Variants in RFX3 observed in about 807,000 individuals in gnomAD.
RFX3 encodes the protein transcription factor RFX3.
In RFX3, 14 loss-of-function variants were observed where a neutral mutation model predicts 98.6. The observed-to-expected ratio is 0.14, with a 90% CI of 0.09 to 0.22. RFX3 has a LOEUF of 0.22. Among genes scored for constraint, RFX3 ranks in the 10% least tolerant of loss-of-function variants. The probability of loss-of-function intolerance (pLI) is 1.00; values close to 1 mark genes in which losing one functional copy is unlikely to be tolerated. For missense variants in RFX3, 639 were observed against 926.9 expected (o/e 0.69, Z 4.03); for synonymous variants, 383 against 328.4 (o/e 1.17, Z -1.80).
intron 1 of RFX3, among the ~76,000 whole-genome samples, chr9:3,438,035 G>A (rs1028952607): frequency 2.0e-5 from 3 of 151,932 alleles, no homozygotes; most frequent in African/African-American, 7.3e-5. Flanking sequence ...GAAACATACT[G>A]ATAAACCTAA....
intron 7 of RFX3, among the ~76,000 whole-genome samples, chr9:3,277,822 T>C (rs1038789754): frequency 6.6e-6 from 1 of 151,990 alleles, no homozygotes; most frequent in South Asian, 2.1e-4. Flanking sequence ...ATTGGAACTT[T>C]AATCTGAACA....
At position 3,319,968 on chromosome 9, in the gene RFX3, C is replaced by T. The variant is rs148178017; in HGVS notation, c.474+10291G>A. Among the ~76,000 whole-genome samples the T allele has an allele frequency of 6.6e-5, 10 of 152,160 alleles. No homozygotes were observed. In the East Asian group the frequency reaches 1.9e-3, roughly 29 times the overall value. ...CTAAAAATTTCAAATGAATTAAATG[C>T]CAGTTTTCACTGTCTAAACTTTCAA... On this transcript the variant is annotated intron_variant, in intron 4 of 16. Transcript: ENST00000617270.
chr9:3,432,770 T>C (rs919302244), intron 1 of RFX3, among the ~76,000 whole-genome samples: 4 of 152,164 alleles, frequency 2.6e-5, no homozygotes, highest in Non-Finnish European at 4.4e-5. Flanking sequence ...TTAGACAATA[T>C]GGCAGAAGGG....
intron 1 of RFX3, among the ~76,000 whole-genome samples, chr9:3,433,543 G>A (rs1404384431): frequency 1.3e-5 from 2 of 152,168 alleles, no homozygotes; most frequent in African/African-American, 4.8e-5. Flanking sequence ...AGTTCTGAGG[G>A]AGTCAAAAGT....
chr9:3,289,692 T>G (rs1827091503), intron 6 of RFX3, among the ~76,000 whole-genome samples: 1 of 152,088 alleles, frequency 6.6e-6, no homozygotes, highest in Non-Finnish European at 1.5e-5. Flanking sequence ...GAGAGGTTCT[T>G]TTTATTTCAT....
At chr9:3,285,422 A>C (rs1826460116) in intron 7 of RFX3, among the ~76,000 whole-genome samples, 1 of 151,742 alleles carries the variant, frequency 6.6e-6, no homozygotes, top group Admixed American at 6.6e-5. Flanking sequence ...CACTGTTTTC[A>C]ACAAATATTC....
chr9:3,235,219 G>A (rs533208482), intron 15 of RFX3, among the ~76,000 whole-genome samples: 1 of 152,374 alleles, frequency 6.6e-6, no homozygotes, highest in Admixed American at 6.5e-5. Context: ...GGTGGCAGGT[G>A]AAGACGTAAA....
chr9:3,396,037 ATCATT>A (rs1018957583), intron 1 of RFX3, among the ~76,000 whole-genome samples: 1 of 151,886 alleles, frequency 6.6e-6, no homozygotes, highest in Non-Finnish European at 1.5e-5. Flanking sequence ...TTTAGAGTAA[ATCATT>A]TCTTTTTTTT....
At chr9:3,503,375 C>T (rs760691248) in intron 1 of RFX3, among the ~76,000 whole-genome samples, 1 of 151,832 alleles carries the variant, frequency 6.6e-6, no homozygotes, top group Non-Finnish European at 1.5e-5. Context: ...CCTTAAATAA[C>T]TTAAATGTAT....
Position 3,395,491 on chromosome 9 carries a change from T to C in RFX3, c.98A>G (p.Gln33Arg). Residue 33 changes from glutamine (Q) to arginine (R), a missense_variant, in exon 2 of 17, where the codon CAA (glutamine) becomes CGA (arginine). This residue lies in a region of RFX3 where 210 missense variants were observed against 197.7 expected (regional missense o/e 1.06). Transcript: ENST00000617270. The stretch of plus-strand genomic sequence containing the variant: ...CCTTACCTGTTGTTGTACTGGTACT[T>C]GCTGTACCACCTGCGTAGGCACTGC... Reference protein sequence around the residue: ...QAAVPTQVVQQVPVQQQVQQV... With the variant: ...QAAVPTQVVQRVPVQQQVQQV... 6.2e-7 allele frequency: 1 copy of C among 1,613,940 alleles called. No individual in the cohort carries two copies. Among genetic ancestry groups the C allele is most frequent in the Non-Finnish European group, 8.5e-7 (1 of 1,179,780 alleles).
chr9:3,278,649 T>A (rs529799677), intron 7 of RFX3, among the ~76,000 whole-genome samples: 1 of 151,840 alleles, frequency 6.6e-6, no homozygotes, highest in Admixed American at 6.6e-5. Context: ...TGGTAGAACA[T>A]CATACAAACT....
At chr9:3,495,048 C>A (rs887470771) in intron 1 of RFX3, among the ~76,000 whole-genome samples, 3 of 151,476 alleles carry the variant, frequency 2.0e-5, no homozygotes, top group African/African-American at 7.3e-5. Flanking sequence ...TTTAAATTGC[C>A]CTGAAAAGAA....
chr9:3,504,068 C>A (rs985892154), intron 1 of RFX3, among the ~76,000 whole-genome samples: 4 of 148,222 alleles, frequency 2.7e-5, no homozygotes, highest in African/African-American at 9.9e-5. Context: ...ATGGCTCAAT[C>A]GGCTCGATTC....
chr9:3,320,191 T>C (rs1285517697), intron 4 of RFX3, among the ~76,000 whole-genome samples: 1 of 152,068 alleles, frequency 6.6e-6, no homozygotes, highest in African/African-American at 2.4e-5. Context: ...AAGTGACTTC[T>C]TTTTTTTAAT....
At chr9:3,301,159 T>C (rs1000502186) in intron 5 of RFX3, among the ~76,000 whole-genome samples, 2 of 151,848 alleles carry the variant, frequency 1.3e-5, no homozygotes, top group Non-Finnish European at 2.9e-5. Flanking sequence ...AGAACATTAC[T>C]GGTCACGCAA....
intron 5 of RFX3, among the ~76,000 whole-genome samples, chr9:3,297,222 A>G (rs1298565011): frequency 1.3e-5 from 2 of 152,102 alleles, no homozygotes; most frequent in East Asian, 1.9e-4. Context: ...AACAATTATT[A>G]TATCTTTTGC....
At chr9:3,356,963 G>GCACA (rs199897465) in intron 2 of RFX3, among the ~76,000 whole-genome samples, 5,127 of 140,792 alleles carry the variant, frequency 0.036, 168 homozygotes, top group African/African-American at 0.097. Flanking sequence ...ATACACACAT[G>GCACA]CACACACACG....
intron 14 of RFX3, among the ~76,000 whole-genome samples, chr9:3,250,519 T>C (rs1821242431): frequency 6.6e-6 from 1 of 152,104 alleles, no homozygotes; most frequent in East Asian, 1.9e-4. Context: ...TATAAATTCA[T>C]AAAACTTTTG....
At chr9:3,305,321 G>C (rs949675690) in intron 4 of RFX3, among the ~76,000 whole-genome samples, 1 of 151,982 alleles carries the variant, frequency 6.6e-6, no homozygotes, top group Non-Finnish European at 1.5e-5. Context: ...GGAAAGTGTA[G>C]GGATGTATGA....
Sources: allele counts gnomAD v4.1 joint callset (sites outside exome capture counted in the v4.1 genomes callset), GRCh38; gene constraint gnomAD v4.1.1; regional missense constraint gnomAD v4.1.1; transcripts MANE v1.5; gene names NCBI Gene and HGNC (gene_info 2026-07-23, HGNC 2026-07-21).